YPEL2: variants seen among roughly 807,000 people sequenced by gnomAD.
The protein encoded by YPEL2 is protein yippee-like 2.
Under a neutral mutation model 19.1 loss-of-function variants are expected in YPEL2, and 2 were observed. The observed-to-expected ratio is 0.10, with a 90% confidence interval of 0.04 to 0.33. The LOEUF is 0.33. YPEL2 is among the 10% of genes least tolerant of loss of function. The pLI is 1.00. For synonymous variants in YPEL2, 52 were observed against 50.0 expected, an observed-to-expected ratio of 1.04 and a Z score of -0.17; for missense variants, 66 against 140.7, an observed-to-expected ratio of 0.47 and a Z score of 2.68.
At chr17:59,337,621 C>T (rs894546152) in intron 1 of YPEL2, among the ~76,000 whole-genome samples, 4 of 152,076 alleles carry the variant, frequency 2.6e-5, no homozygotes, top group Non-Finnish European at 4.4e-5. Context: ...ATGATAAATG[C>T]TTTTTGCTTT....
chr17:59,377,554 A>G (rs1285692414), intron 2 of YPEL2, among the ~76,000 whole-genome samples: 1 of 152,168 alleles, frequency 6.6e-6, no homozygotes, highest in Non-Finnish European at 1.5e-5. Context: ...CATACTTCCC[A>G]TGCCTCACTC....
At chr17:59,338,227 T>C (rs1259414425) in intron 1 of YPEL2, among the ~76,000 whole-genome samples, 1 of 152,326 alleles carries the variant, frequency 6.6e-6, no homozygotes, top group Admixed American at 6.5e-5. Context: ...TTTGTCTGTT[T>C]CTCACTGGGA....
chr17:59,369,725 C>G (rs1353960511), intron 2 of YPEL2, among the ~76,000 whole-genome samples: 1 of 152,232 alleles, frequency 6.6e-6, no homozygotes, highest in East Asian at 1.9e-4. Context: ...CGTGCTGTCC[C>G]TAATGTCCGC....
intron 1 of YPEL2, among the ~76,000 whole-genome samples, chr17:59,352,869 G>C (rs775245066): frequency 2.0e-5 from 3 of 152,162 alleles, no homozygotes; most frequent in Non-Finnish European, 4.4e-5. Context: ...GCTCAGGAGA[G>C]GGGGTCCCTG....
intron 2 of YPEL2, among the ~76,000 whole-genome samples, chr17:59,385,721 T>C (rs1181214137): frequency 6.6e-6 from 1 of 152,174 alleles, no homozygotes; most frequent in East Asian, 1.9e-4. Context: ...TAATCTTTAT[T>C]GTGGTGATGT....
In YPEL2 at chr17:59,401,262, A is replaced by G. The variant is rs1339966324; in HGVS notation, c.*4072A>G. ...CATATTTTAAAGGAATCTGCCTCAA[A>G]TGAGAAAATATGCTAGTTATCTAGA... On this transcript the variant is annotated 3_prime_UTR_variant, in exon 5 of 5. Transcript: ENST00000312655. 6.6e-6 allele frequency: 1 copy of G among 152,300 alleles called. No homozygotes were observed. Among genetic ancestry groups the G allele is most frequent in the African/African-American group, 2.4e-5 (1 of 41,462 alleles). The allele number at this position is 152,300 out of a possible 1,614,324, so 9.4% of individuals were successfully genotyped here. A position where few individuals can be genotyped will look rare whatever the true frequency, so the allele number is the denominator to read the frequency against.
rs1330955793 is a variant in YPEL2, at chr17:59,399,629, CAG to C, written c.*2440_*2441del. 2 of 151,958 alleles carry C rather than the reference CAG, an allele frequency of 1.3e-5. No individual in the cohort carries two copies. The highest frequency in any genetic ancestry group is 4.8e-5 in the African/African-American group (2 of 41,298). The allele number at this position is 151,958 out of a possible 1,614,324, so 9.4% of individuals were successfully genotyped here. A position where few individuals can be genotyped will look rare whatever the true frequency, so the allele number is the denominator to read the frequency against. The stretch of plus-strand genomic sequence containing the variant: ...TAGAGTGTTGGTTTTTCCATAACTA[CAG>C]GGGGAAAAAAAGTCATTAGGCTTTC... On this transcript the variant is annotated 3_prime_UTR_variant, in exon 5 of 5. Transcript: ENST00000312655.
intron 2 of YPEL2, among the ~76,000 whole-genome samples, chr17:59,361,991 G>A (rs2047843427): frequency 6.6e-6 from 1 of 152,196 alleles, no homozygotes; most frequent in Admixed American, 6.5e-5. Context: ...AAACATTAAA[G>A]GTGTAGGTAG....
chr17:59,376,128 G>T (rs11079376), intron 2 of YPEL2, among the ~76,000 whole-genome samples: 98,769 of 151,636 alleles, frequency 0.65, 33,752 homozygotes, highest in African/African-American at 0.87. Context: ...GGAAGTCATT[G>T]GGATGACACC....
At chr17:59,374,963 A>G (rs981506541) in intron 2 of YPEL2, among the ~76,000 whole-genome samples, 3 of 152,222 alleles carry the variant, frequency 2.0e-5, no homozygotes, top group Non-Finnish European at 2.9e-5. Flanking sequence ...CTTTAAATCT[A>G]TGACCTGAAG....
At chr17:59,358,758 C>T (rs567536956) in intron 2 of YPEL2, among the ~76,000 whole-genome samples, 40 of 152,076 alleles carry the variant, frequency 2.6e-4, no homozygotes, top group Admixed American at 4.6e-4. Context: ...TATAGGCGCC[C>T]GCCTCCACGC....
At chr17:59,392,355 G>A (rs1330405285) in intron 4 of YPEL2, among the ~76,000 whole-genome samples, 2 of 152,116 alleles carry the variant, frequency 1.3e-5, no homozygotes, top group Non-Finnish European at 2.9e-5. Context: ...TGTCCTCAAA[G>A]TGTTGACAGT....
chr17:59,353,542 A>G lies in YPEL2; in HGVS notation c.117+16A>G. ...AATTTCCAAGGTACACATTTCCAGCAGGCCTTCCTTGCCTACCCCGGGGAG... is the reference window on the plus strand; with the variant it reads ...AATTTCCAAGGTACACATTTCCAGCGGGCCTTCCTTGCCTACCCCGGGGAG... On this transcript the variant is annotated intron_variant, in intron 2 of 4. Coordinates refer to ENST00000312655, the MANE Select transcript of YPEL2 (RefSeq NM_001005404.4). The surrounding 1 kb of genome is among the most constrained non-coding windows in gnomAD (Gnocchi z 4.8). 1 of 1,603,828 alleles carries G rather than the reference A, an allele frequency of 6.2e-7. No individual in the cohort carries two copies. The highest frequency in any genetic ancestry group is 8.5e-7 in the Non-Finnish European group (1 of 1,170,690).
intron 2 of YPEL2, among the ~76,000 whole-genome samples, chr17:59,380,230 G>A (rs1347331625): frequency 6.7e-6 from 1 of 149,284 alleles, no homozygotes; most frequent in Admixed American, 6.7e-5. Context: ...AAAGTATATA[G>A]TCTTGAAGTT....
At chr17:59,393,686 G>C (rs1190553496) in intron 4 of YPEL2, among the ~76,000 whole-genome samples, 1 of 147,346 alleles carries the variant, frequency 6.8e-6, no homozygotes, top group African/African-American at 2.5e-5. Flanking sequence ...GTGTCCCTGG[G>C]TACTTGAGAT....
chr17:59,382,195 C>T (rs972622463), intron 2 of YPEL2, among the ~76,000 whole-genome samples: 5 of 152,250 alleles, frequency 3.3e-5, no homozygotes, highest in African/African-American at 1.2e-4. Context: ...TTCATAGATA[C>T]TGCTCCTCAA....
intron 2 of YPEL2, among the ~76,000 whole-genome samples, chr17:59,370,416 C>G (rs1208305135): frequency 1.3e-5 from 2 of 152,130 alleles, no homozygotes. Context: ...CAGGTCAGAA[C>G]AAATGAAATA....
At chr17:59,372,994 C>T (rs8069626) in intron 2 of YPEL2, among the ~76,000 whole-genome samples, 76,337 of 152,064 alleles carry the variant, frequency 0.5, 19,419 homozygotes, top group Middle Eastern at 0.55. Context: ...CTGCCTCAGC[C>T]TCCTGAGTAG....
At chr17:59,394,689 C>T (rs557210821) in intron 4 of YPEL2, among the ~76,000 whole-genome samples, 1 of 152,096 alleles carries the variant, frequency 6.6e-6, no homozygotes, top group East Asian at 1.9e-4. Context: ...GACGGGGTGG[C>T]GGCCGGGCAG....
Sources: allele counts gnomAD v4.1 joint callset (sites outside exome capture counted in the v4.1 genomes callset), GRCh38; gene constraint gnomAD v4.1.1; non-coding constraint Gnocchi (gnomAD v3.1); transcripts MANE v1.5; gene names NCBI Gene and HGNC (gene_info 2026-07-23, HGNC 2026-07-21).